The following ANKS6 variants were observed in gnomAD, a reference collection of about 807,000 sequenced individuals.
ANKS6 encodes ankyrin repeat and sterile alpha motif domain containing 6, also known as ankyrin repeat and SAM domain-containing protein 6.
ANKS6 carries 47 observed loss-of-function variants against 77.9 expected under a neutral mutation model. The observed-to-expected ratio is 0.60, with a 90% CI of 0.48 to 0.77. ANKS6 has a LOEUF of 0.77. ANKS6 is among the 30% of genes least tolerant of loss of function. The pLI, the probability that ANKS6 is intolerant of heterozygous loss-of-function variation, is 0.00. For synonymous variants in ANKS6, 488 were observed against 501.7 expected (o/e 0.97, Z 0.37); for missense variants, 1,150 against 1,159.1 (o/e 0.99, Z 0.11).
At chr9:98,772,734 G>A (rs1044456867) in intron 9 of ANKS6, among the ~76,000 whole-genome samples, 1 of 152,150 alleles carries the variant, frequency 6.6e-6, no homozygotes, top group Non-Finnish European at 1.5e-5. Flanking sequence ...TACCTGGGAC[G>A]CTGCTGCCTG....
intron 12 of ANKS6, among the ~76,000 whole-genome samples, chr9:98,754,641 C>CA (rs1010994225): frequency 0.017 from 2,220 of 134,254 alleles, 50 homozygotes; most frequent in African/African-American, 0.056. Flanking sequence ...GCCTCCGTCT[C>CA]AAAAAAAAAA....
Position 98,791,695 on chromosome 9 carries a change from G to A in ANKS6, c.360-1089C>T, listed in dbSNP as rs1020861509. ...CTGCATCTGTGAGGCAGCTTTCTGG[G>A]TTTCTCGATGCTCAGCCCTCCTTCC... On this transcript the variant is annotated intron_variant, in intron 1 of 14. Transcript: ENST00000353234. The surrounding 1 kb of genome is among the most constrained non-coding windows in gnomAD (Gnocchi z 4.3). Among the ~76,000 whole-genome samples the A allele has an allele frequency of 8.5e-5, 13 of 152,134 alleles. No homozygotes were observed. The highest frequency in any genetic ancestry group is 3.1e-4 in the African/African-American group (13 of 41,400).
chr9:98,749,074 C>A (rs16917885), intron 13 of ANKS6, among the ~76,000 whole-genome samples: 1 of 152,156 alleles, frequency 6.6e-6, no homozygotes, highest in African/African-American at 2.4e-5. Context: ...CTACTAAAGC[C>A]TCCAAGGAAA....
chr9:98,732,856 C>G lies in ANKS6; in HGVS notation c.*3663G>C, dbSNP rs187186544. On this transcript the variant is annotated 3_prime_UTR_variant, in exon 15 of 15. Coordinates refer to ENST00000353234, the MANE Select transcript of ANKS6 (RefSeq NM_173551.5). The stretch of plus-strand genomic sequence containing the variant: ...TAAAAACAGAAAAACAGGCACCCAA[C>G]TGACCCTTCCTCCCTGACGATCTAG... The G allele has an allele frequency of 1.7e-6, 2 of 1,197,812 alleles. No homozygotes were observed. The highest frequency in any genetic ancestry group is 3.1e-5 in the African/African-American group (2 of 64,242). 74.2% of individuals were successfully genotyped at this position (1,197,812 alleles called of 1,614,324 possible).
At chr9:98,746,246 C>T (rs372054338) in intron 13 of ANKS6, among the ~76,000 whole-genome samples, 27 of 152,316 alleles carry the variant, frequency 1.8e-4, no homozygotes, top group Middle Eastern at 3.4e-3. Flanking sequence ...CTGCCTGGCC[C>T]GTGGACAGGA....
chr9:98,736,467 G>C lies in ANKS6; in HGVS notation c.*52C>G. 1 of 1,546,322 alleles carries C rather than the reference G, an allele frequency of 6.5e-7. No individual in the cohort carries two copies. The highest frequency in any genetic ancestry group is 8.7e-7 in the Non-Finnish European group (1 of 1,144,272). On this transcript the variant is annotated 3_prime_UTR_variant, in exon 15 of 15. Transcript: ENST00000353234. The stretch of plus-strand genomic sequence containing the variant: ...GGCAGGGCTGGGGCTGTGGCCACGT[G>C]AAGGGGTCCCGGGATTCAGAGAGCT...
chr9:98,739,897 AG>A (rs1831728018), intron 14 of ANKS6, among the ~76,000 whole-genome samples: 1 of 151,024 alleles, frequency 6.6e-6, no homozygotes, highest in Admixed American at 6.6e-5. Flanking sequence ...CTGGGACTAC[AG>A]GCGCCCGCCA....
intron 2 of ANKS6, among the ~76,000 whole-genome samples, chr9:98,789,576 C>T (rs1564226865): frequency 6.6e-6 from 1 of 152,128 alleles, no homozygotes; most frequent in Non-Finnish European, 1.5e-5. Context: ...AAACTATAGC[C>T]CATGGCTCAA....
intron 1 of ANKS6, among the ~76,000 whole-genome samples, chr9:98,793,630 C>T (rs1835020102): frequency 6.6e-6 from 1 of 151,948 alleles, no homozygotes; most frequent in Non-Finnish European, 1.5e-5. Context: ...AAGCGATTCT[C>T]CTGCCTCAGC....
intron 7 of ANKS6, 144 bp from the exon 8 acceptor site, chr9:98,777,598 A>C: frequency 1.4e-6 from 1 of 733,668 alleles, no homozygotes; most frequent in South Asian, 1.8e-5. Flanking sequence ...CGATATTTTA[A>C]TAGAAGGAAG....
chr9:98,737,130 T>C (rs1831542293), intron 14 of ANKS6, among the ~76,000 whole-genome samples: 1 of 152,158 alleles, frequency 6.6e-6, no homozygotes, highest in African/African-American at 2.4e-5. Context: ...CTGCCCCCTA[T>C]ACACACATTT....
intron 3 of ANKS6, 36 bp from the exon 4 acceptor site, chr9:98,784,193 G>A: frequency 1.3e-6 from 2 of 1,492,834 alleles, no homozygotes; most frequent in Non-Finnish European, 1.8e-6. Flanking sequence ...TGAACTGTGG[G>A]CCTGGTACCA....
intron 14 of ANKS6, among the ~76,000 whole-genome samples, chr9:98,743,732 C>T (rs573992644): frequency 6.6e-5 from 10 of 152,274 alleles, no homozygotes; most frequent in East Asian, 3.9e-4. Context: ...CTGTGGCTTT[C>T]GTAAGGATTA....
At chr9:98,763,390 C>T (rs1159619424) in intron 11 of ANKS6, among the ~76,000 whole-genome samples, 1 of 151,856 alleles carries the variant, frequency 6.6e-6, no homozygotes, top group Admixed American at 6.5e-5. Context: ...TCTAAATAAT[C>T]AATGGGCCAA....
rs1831472887 is a variant in ANKS6 at position 98,735,930 on chromosome 9, A to C, written c.*589T>G. On this transcript the variant is annotated 3_prime_UTR_variant, in exon 15 of 15. Transcript: ENST00000353234. ...AGACTTCATCTGAGAGGTGACTTGG[A>C]CTAGGAGGGGCAAGTTAGAAGTTTT... The C allele has an allele frequency of 8.1e-7, 1 of 1,231,152 alleles. No individual in the cohort carries two copies. The highest frequency in any genetic ancestry group is 3.2e-5 in the East Asian group (1 of 31,604). The allele number at this position is 1,231,152 out of a possible 1,614,324, so 76.3% of individuals were successfully genotyped here. A position where few individuals can be genotyped will look rare whatever the true frequency, so the allele number is the denominator to read the frequency against.
intron 12 of ANKS6, among the ~76,000 whole-genome samples, chr9:98,753,917 ATGGTTG>A (rs1201159465): frequency 1.3e-5 from 2 of 152,218 alleles, no homozygotes; most frequent in African/African-American, 4.8e-5. Flanking sequence ...TTTGTAAATA[ATGGTTG>A]TGTTTAACAA....
At chr9:98,752,439 C>CCCTT (rs945761926) in intron 12 of ANKS6, among the ~76,000 whole-genome samples, 60 of 152,170 alleles carry the variant, frequency 3.9e-4, no homozygotes, top group Admixed American at 1.8e-3. Context: ...CTCCCTCTTT[C>CCCTT]CCTTCCTTCC....
intron 2 of ANKS6, 69 bp downstream of exon 2, chr9:98,790,035 T>A: frequency 6.7e-7 from 1 of 1,503,748 alleles, no homozygotes; most frequent in East Asian, 2.3e-5. Flanking sequence ...AGTAGAGCAA[T>A]CCTCAGCTTA....
At chr9:98,776,240 C>T (rs1833912982) in intron 8 of ANKS6, among the ~76,000 whole-genome samples, 1 of 152,040 alleles carries the variant, frequency 6.6e-6, no homozygotes, top group African/African-American at 2.4e-5. Context: ...ATGAGGGATC[C>T]CCGAAGTCAG....
Sources: gnomAD v4.1 joint callset for allele counts (sites outside exome capture counted in the v4.1 genomes callset) on GRCh38, gnomAD v4.1.1 for gene constraint, Gnocchi (gnomAD v3.1) non-coding constraint, MANE v1.5 for transcripts, NCBI Gene and HGNC (gene_info 2026-07-23, HGNC 2026-07-21) for gene names.